Variants in ENAM observed in about 807,000 individuals in gnomAD.
The protein encoded by ENAM is enamelin.
A neutral mutation model predicts 33.6 loss-of-function variants in ENAM; 21 were observed. That is an observed-to-expected ratio of 0.63 (90% CI 0.44 to 0.90). The LOEUF (loss-of-function observed/expected upper bound fraction) is 0.90, where lower values mean the gene tolerates loss of function less well. ENAM is among the 40% of genes least tolerant of loss of function. ENAM has a pLI of 0.00. For synonymous variants in ENAM, 473 were observed against 468.4 expected (o/e 1.01, Z -0.13); for missense variants, 1,388 against 1,366.9 (o/e 1.02, Z -0.24).
In ENAM at chr4:70,642,150, C is replaced by G. The variant is rs769668391; in HGVS notation, c.724C>G (p.Pro242Ala). Reference sequence around the variant, plus strand: ...TAAAGCAGAAAGTCCAGGCACAGAACCCACAGCTAATTCAACAGTCACTGA... The same window carrying G: ...TAAAGCAGAAAGTCCAGGCACAGAAGCCACAGCTAATTCAACAGTCACTGA... ...PPKAESPGTE[P>A]TANSTVTETN... The change falls in exon 9 of 9, where the codon CCC becomes GCC. Residue 242 changes from proline to alanine, a missense_variant. Pro to Ala is a conservative substitution (Grantham distance 27). Transcript: ENST00000396073. 6.2e-7 allele frequency: 1 copy of G among 1,614,148 alleles called. No individual in the cohort carries two copies. Among genetic ancestry groups the G allele is most frequent in the East Asian group, 2.2e-5 (1 of 44,886 alleles).
intron 8 of ENAM, among the ~76,000 whole-genome samples, chr4:70,639,351 A>G (rs1433224156): frequency 1.3e-5 from 2 of 152,054 alleles, no homozygotes; most frequent in Non-Finnish European, 2.9e-5. Flanking sequence ...GCACTTTGGG[A>G]GGCTGAGGCA....
rs372684686 is a variant in ENAM at position 70,643,617 on chromosome 4, T to C, written c.2191T>C (p.Tyr731His). The C allele has an allele frequency of 8.7e-6, 14 of 1,614,050 alleles. No homozygotes were observed. In the African/African-American group the frequency reaches 9.3e-5, roughly 11 times the overall value. ...PWSPDENFPS[Y>H]NTASTMPPPI... Reference sequence around the variant, plus strand: ...GAGCCCGGATGAGAATTTTCCATCATATAATACAGCTTCTACTATGCCACC... The same window carrying C: ...GAGCCCGGATGAGAATTTTCCATCACATAATACAGCTTCTACTATGCCACC... Residue 731 changes from tyrosine (Y) to histidine (H), a missense_variant, in exon 9 of 9, where the codon TAT becomes CAT. By Grantham distance (83) the Tyr-to-His change is moderately conservative. Coordinates refer to ENST00000396073, the MANE Select transcript of ENAM (RefSeq NM_031889.3).
rs565795356 is a variant in ENAM at position 70,630,744 on chromosome 4, A to AT, written c.55-911dup. ...TCCTGACCATCTTAGAGCATAAGTG[A>AT]TTTTTTTTTTTTTTTGAGACAGAGT... On this transcript the variant is annotated intron_variant, in intron 2 of 8. Transcript: ENST00000396073. 8.4e-3 allele frequency among the ~76,000 whole-genome samples: 1,196 copies of AT among 142,402 alleles called. 8 individuals are homozygous for AT. Among genetic ancestry groups the AT allele is most frequent in the Admixed American group, 0.017 (249 of 14,290 alleles). The allele number at this position is 142,402 out of a possible 152,430, so 93.4% of individuals were successfully genotyped here. A position where few individuals can be genotyped will look rare whatever the true frequency, so the allele number is the denominator to read the frequency against.
At chr4:70,630,786 G>A (rs1281535148) in intron 2 of ENAM, among the ~76,000 whole-genome samples, 1 of 151,258 alleles carries the variant, frequency 6.6e-6, no homozygotes, top group Non-Finnish European at 1.5e-5. Context: ...CTGTCGCCCA[G>A]GCTGGAGTGC....
chr4:70,645,166 G>T lies in ENAM; in HGVS notation c.*311G>T. 1.9e-6 allele frequency: 1 copy of T among 528,210 alleles called. No individual in the cohort carries two copies. Among genetic ancestry groups the T allele is most frequent in the Non-Finnish European group, 3.4e-6 (1 of 296,502 alleles). The allele number at this position is 528,210 out of a possible 1,614,324, so 32.7% of individuals were successfully genotyped here. A position where few individuals can be genotyped will look rare whatever the true frequency, so the allele number is the denominator to read the frequency against. On this transcript the variant is annotated 3_prime_UTR_variant, in exon 9 of 9. Coordinates refer to ENST00000396073, the MANE Select transcript of ENAM (RefSeq NM_031889.3). ...TTCCTTTTGCTTGATGACTTCTTTT[G>T]CTCTCAAAGTTCCATACTTGCAAAA...
At chr4:70,633,453 A>G (rs778530119) in intron 5 of ENAM, among the ~76,000 whole-genome samples, 1 of 152,108 alleles carries the variant, frequency 6.6e-6, no homozygotes, top group Non-Finnish European at 1.5e-5. Flanking sequence ...TGAAATTTTT[A>G]CCAACTTAGT....
chr4:70,632,537 A>G, intron 4 of ENAM, 114 bp from the exon 5 acceptor site: 1 of 811,966 alleles, frequency 1.2e-6, no homozygotes, highest in South Asian at 1.4e-5. Context: ...AGAAATTTTT[A>G]CACTGGGAAG....
rs748172407 is a variant in ENAM, at chr4:70,644,393, T to G, written c.2967T>G (p.Asp989Glu). ...AGAATACACCTTGTCTCAAAAATGATCTTGGAGGAGATGGGAACAACATTC... is the reference window on the plus strand; with the variant it reads ...AGAATACACCTTGTCTCAAAAATGAGCTTGGAGGAGATGGGAACAACATTC... Reference protein sequence around the residue: ...QSKNTPCLKNDLGGDGNNILE... With the variant: ...QSKNTPCLKNELGGDGNNILE... The change falls in exon 9 of 9, where the codon GAT becomes GAG. Residue 989 changes from aspartate to glutamate, a missense_variant. Physicochemically the swap from Asp to Glu is conservative, Grantham distance 45. Transcript: ENST00000396073. 8.1e-6 allele frequency: 13 copies of G among 1,614,046 alleles called. No homozygotes were observed. The highest frequency in any genetic ancestry group is 1.1e-5 in the Non-Finnish European group (13 of 1,180,010).
intron 8 of ENAM, among the ~76,000 whole-genome samples, chr4:70,640,203 A>G (rs1468710905): frequency 2.0e-5 from 3 of 152,220 alleles, no homozygotes; most frequent in African/African-American, 7.2e-5. Flanking sequence ...AAACCTTCAC[A>G]TGGGAGAATT....
At chr4:70,636,768 CAAAA>C (rs750591349) in intron 7 of ENAM, among the ~76,000 whole-genome samples, 2 of 86,924 alleles carry the variant, frequency 2.3e-5, no homozygotes, top group Admixed American at 1.3e-4. Flanking sequence ...GACTCCGTCT[CAAAA>C]AAAAAAAAAA....
rs534585912 is a variant in ENAM, at chr4:70,639,447, G to A, written c.588+1604G>A. ...TCTACTAAGAATACAAAAATTAGCC[G>A]GGTATGGTGGTGCTGGCCTGTAATC... On this transcript the variant is annotated intron_variant, in intron 8 of 8. Transcript: ENST00000396073. Among the ~76,000 whole-genome samples, 11 of 152,012 alleles carry A rather than the reference G, an allele frequency of 7.2e-5. No homozygotes were observed. In the South Asian group the frequency reaches 1.7e-3, roughly 23 times the overall value.
intron 5 of ENAM, among the ~76,000 whole-genome samples, chr4:70,633,238 T>C (rs1738370514): frequency 6.6e-6 from 1 of 152,162 alleles, no homozygotes; most frequent in South Asian, 2.1e-4. Context: ...ACATCACTTT[T>C]GATTTCCATG....
Position 70,642,042 on chromosome 4 carries a change from C to CCAAAAT in ENAM, c.616_617insCAAAAT (p.His206delinsProLysTyr), listed in dbSNP as rs1738610534. On this transcript the variant is annotated protein_altering_variant, in exon 9 of 9. Coordinates refer to ENST00000396073, the MANE Select transcript of ENAM (RefSeq NM_031889.3). Reference sequence around the variant, plus strand: ...TCCTTACTTTGGATATTTTGGATATCATGGCTTTGGGGGTCGCCCTCCTTA... The same window carrying CCAAAAT: ...TCCTTACTTTGGATATTTTGGATATCCAAAATATGGCTTTGGGGGTCGCCCTCCTTA... 1.2e-6 allele frequency: 2 copies of CCAAAAT among 1,613,558 alleles called. No individual in the cohort carries two copies. Among genetic ancestry groups the CCAAAAT allele is most frequent in the African/African-American group, 2.7e-5 (2 of 74,906 alleles).
At position 70,643,596 on chromosome 4, in the gene ENAM, C is replaced by A; in HGVS notation, c.2170C>A (p.Pro724Thr). Residue 724 changes from proline to threonine, a missense_variant, in exon 9 of 9, where the codon CCG becomes ACG. Physicochemically the swap from Pro to Thr is conservative, Grantham distance 38. Coordinates refer to ENST00000396073, the MANE Select transcript of ENAM (RefSeq NM_031889.3). ...FYYSEFYPWS[P>T]DENFPSYNTA... is the part of the protein sequence containing the mutation. The stretch of plus-strand genomic sequence containing the variant: ...TTACAGTGAATTTTACCCATGGAGC[C>A]CGGATGAGAATTTTCCATCATATAA... The A allele has an allele frequency of 6.2e-7, 1 of 1,614,014 alleles. No homozygotes were observed. Among genetic ancestry groups the A allele is most frequent in the Non-Finnish European group, 8.5e-7 (1 of 1,180,016 alleles).
chr4:70,643,415 A>T lies in ENAM; in HGVS notation c.1989A>T (p.Glu663Asp). ...ACCCAGTTGATCCAACTGGAGATGA[A>T]GTCTTTCCTGGACAAAATAGATGGG... ...EEDPVDPTGD[E>D]VFPGQNRWGE... The change falls in exon 9 of 9, where the codon GAA (glutamate) becomes GAT (aspartate). Residue 663 changes from glutamate to aspartate, a missense_variant. Transcript: ENST00000396073. 1 of 1,614,150 alleles carries T rather than the reference A, an allele frequency of 6.2e-7. No homozygotes were observed. Among genetic ancestry groups the T allele is most frequent in the South Asian group, 1.1e-5 (1 of 91,076 alleles).
rs886059587 is a variant in ENAM at position 70,645,011 on chromosome 4, G to A, written c.*156G>A. 5.5e-5 allele frequency: 37 copies of A among 677,642 alleles called. No homozygotes were observed. The highest frequency in any genetic ancestry group is 1.5e-4 in the Admixed American group (7 of 46,366). The allele number at this position is 677,642 out of a possible 1,614,324, so 42.0% of individuals were successfully genotyped here. A position where few individuals can be genotyped will look rare whatever the true frequency, so the allele number is the denominator to read the frequency against. ...CTCAGCAATAGGAGTAGCGACCCAG[G>A]TGGAGCTGAGATTAGGCCTCTGGGG... is the stretch of plus-strand genomic sequence containing the variant. On this transcript the variant is annotated 3_prime_UTR_variant, in exon 9 of 9. Transcript: ENST00000396073.
In ENAM at chr4:70,644,704, C is replaced by G. The variant is rs780567494; in HGVS notation, c.3278C>G (p.Pro1093Arg). ...DGDSITPTEN[P>R]NTLVELATEE... The stretch of plus-strand genomic sequence containing the variant: ...GATTCAATTACGCCTACTGAAAATC[C>G]TAACACATTGGTTGAGTTAGCTACT... The change falls in exon 9 of 9, where the codon CCT becomes CGT. Residue 1093 changes from proline (P) to arginine (R), a missense_variant. Transcript: ENST00000396073. 6.2e-7 allele frequency: 1 copy of G among 1,614,132 alleles called. No homozygotes were observed. The highest frequency in any genetic ancestry group is 8.5e-7 in the Non-Finnish European group (1 of 1,180,006).
At chr4:70,640,907 A>G (rs1222013785) in intron 8 of ENAM, among the ~76,000 whole-genome samples, 1 of 152,132 alleles carries the variant, frequency 6.6e-6, no homozygotes, top group Non-Finnish European at 1.5e-5. Flanking sequence ...ATTTCCATAT[A>G]CCCACTCTCA....
intron 7 of ENAM, among the ~76,000 whole-genome samples, chr4:70,636,445 C>T (rs1738453795): frequency 6.6e-6 from 1 of 151,960 alleles, no homozygotes; most frequent in Non-Finnish European, 1.5e-5. Context: ...ACCAGCCTGG[C>T]CAACATGGTG....
Sources: allele counts gnomAD v4.1 joint callset (sites outside exome capture counted in the v4.1 genomes callset), GRCh38; gene constraint gnomAD v4.1.1; transcripts MANE v1.5; gene names NCBI Gene and HGNC (gene_info 2026-07-23, HGNC 2026-07-21).